NALF1: variants seen among roughly 807,000 people sequenced by gnomAD.
NALF1 encodes the protein NALCN channel auxiliary factor 1, also known as family with sequence similarity 155 member A.
Under a neutral mutation model 48.4 loss-of-function variants are expected in NALF1, and 3 were observed. The observed-to-expected ratio is 0.06, with a 90% CI of 0.03 to 0.16. NALF1 has a LOEUF of 0.16. NALF1 is among the 10% of genes least tolerant of loss of function. The pLI is 1.00. For missense variants in NALF1, 526 were observed against 571.5 expected (o/e 0.92, Z 0.81); for synonymous variants, 262 against 245.7 (o/e 1.07, Z -0.62).
intron 1 of NALF1, among the ~76,000 whole-genome samples, chr13:107,487,779 T>C (rs1885353165): frequency 6.6e-6 from 1 of 152,172 alleles, no homozygotes; most frequent in South Asian, 2.1e-4. Flanking sequence ...GGTATCAGGA[T>C]GATGCTGGCC....
At position 107,434,948 on chromosome 13, in the gene NALF1, C is replaced by T. The variant is rs141162952; in HGVS notation, c.916-224193G>A. 7.2e-5 allele frequency among the ~76,000 whole-genome samples: 11 copies of T among 152,234 alleles called. No homozygotes were observed. The East Asian group carries it at 1.9e-3, about 27-fold the overall frequency. ...GGCTATATTCTTTTTTCTGTGACAT[C>T]GATCTTCTCAACTTCATTGGCCTCA... On this transcript the variant is annotated intron_variant, in intron 1 of 2. Transcript: ENST00000375915.
chr13:107,749,670 T>C (rs1876878125), intron 1 of NALF1, among the ~76,000 whole-genome samples: 1 of 152,112 alleles, frequency 6.6e-6, no homozygotes, highest in South Asian at 2.1e-4. Context: ...TTCAAAATCT[T>C]GTTCTTTACA....
intron 1 of NALF1, among the ~76,000 whole-genome samples, chr13:107,533,745 C>G (rs1481936420): frequency 6.6e-6 from 1 of 152,070 alleles, no homozygotes. Context: ...GCAACACCCC[C>G]AAATCTGTCT....
At position 107,393,484 on chromosome 13, in the gene NALF1, A is replaced by G. The variant is rs144822977; in HGVS notation, c.916-182729T>C. ...TGAGACACGAACAAATTAACTTGCT[A>G]TTTAACCTGAAGCAAAATGTCTAGC... On this transcript the variant is annotated intron_variant, in intron 1 of 2. Coordinates refer to ENST00000375915, the MANE Select transcript of NALF1 (RefSeq NM_001080396.3). Among the ~76,000 whole-genome samples the G allele has an allele frequency of 4.7e-3, 716 of 152,272 alleles. 10 individuals carry two copies. The highest frequency in any genetic ancestry group is 0.016 in the African/African-American group (681 of 41,562).
At chr13:107,577,458 G>C (rs1414501326) in intron 1 of NALF1, among the ~76,000 whole-genome samples, 2 of 144,884 alleles carry the variant, frequency 1.4e-5, no homozygotes, top group African/African-American at 2.6e-5. Context: ...GTTTGGGAGA[G>C]AAAGCTAGAT....
At chr13:107,457,361 A>G (rs1884840662) in intron 1 of NALF1, among the ~76,000 whole-genome samples, 2 of 152,202 alleles carry the variant, frequency 1.3e-5, no homozygotes, top group Non-Finnish European at 2.9e-5. Context: ...CAGATTACCT[A>G]TGAATGTAAT....
intron 2 of NALF1, among the ~76,000 whole-genome samples, chr13:107,187,439 A>C (rs1245608123): frequency 2.0e-5 from 3 of 152,166 alleles, no homozygotes; most frequent in African/African-American, 2.4e-5. Flanking sequence ...AAGTCTCTCC[A>C]ACAGGCAGAA....
intron 1 of NALF1, among the ~76,000 whole-genome samples, chr13:107,770,833 C>T (rs1026846478): frequency 2.2e-4 from 33 of 152,120 alleles, no homozygotes; most frequent in Admixed American, 2.2e-3. Flanking sequence ...TTTTCTCTTC[C>T]CTTTTGAAAT....
chr13:107,546,743 T>A (rs1270285684), intron 1 of NALF1, among the ~76,000 whole-genome samples: 1 of 152,166 alleles, frequency 6.6e-6, no homozygotes, highest in Non-Finnish European at 1.5e-5. Flanking sequence ...AATTACCTTT[T>A]AGGAAATAAT....
chr13:107,273,693 A>T (rs1881221176), intron 1 of NALF1, among the ~76,000 whole-genome samples: 1 of 152,228 alleles, frequency 6.6e-6, no homozygotes, highest in Non-Finnish European at 1.5e-5. Flanking sequence ...GATGAAAGGC[A>T]CATTATGTGC....
chr13:107,583,319 G>C (rs1878366244), intron 1 of NALF1, among the ~76,000 whole-genome samples: 1 of 151,970 alleles, frequency 6.6e-6, no homozygotes, highest in Non-Finnish European at 1.5e-5. Context: ...CTAAATAAAT[G>C]TTCAAATAAT....
chr13:107,851,733 G>A (rs559709460), intron 1 of NALF1, among the ~76,000 whole-genome samples: 2 of 150,002 alleles, frequency 1.3e-5, no homozygotes, highest in East Asian at 4.0e-4. Context: ...AAAGGGAAAT[G>A]TGTTAACTAG....
chr13:107,501,822 A>T (rs1875534855), intron 1 of NALF1, among the ~76,000 whole-genome samples: 2 of 152,186 alleles, frequency 1.3e-5, no homozygotes, highest in Admixed American at 6.5e-5. Context: ...AACAACTAAC[A>T]ATTTATTTAT....
chr13:107,665,686 T>C (rs897604394), intron 1 of NALF1, among the ~76,000 whole-genome samples: 2 of 152,124 alleles, frequency 1.3e-5, no homozygotes, highest in Non-Finnish European at 1.5e-5. Flanking sequence ...TTGTGTCTTG[T>C]AAGTTGTCTT....
At chr13:107,254,571 A>G (rs1374404903) in intron 1 of NALF1, among the ~76,000 whole-genome samples, 1 of 152,176 alleles carries the variant, frequency 6.6e-6, no homozygotes, top group East Asian at 1.9e-4. Context: ...AGGCTCACTG[A>G]TGCTTGTAGA....
intron 1 of NALF1, among the ~76,000 whole-genome samples, chr13:107,548,359 A>C (rs1407253682): frequency 2.0e-5 from 3 of 151,986 alleles, no homozygotes; most frequent in East Asian, 3.9e-4. Context: ...CATTTTCTTT[A>C]TCCAATCTGT....
At chr13:107,253,832 G>A (rs182028614) in intron 1 of NALF1, among the ~76,000 whole-genome samples, 25 of 152,122 alleles carry the variant, frequency 1.6e-4, no homozygotes, top group Non-Finnish European at 3.1e-4. Context: ...CTGCTCAAAT[G>A]GCACCTCTTC....
intron 1 of NALF1, among the ~76,000 whole-genome samples, chr13:107,746,352 G>T (rs189889943): frequency 2.0e-5 from 3 of 152,006 alleles, no homozygotes; most frequent in Admixed American, 2.0e-4. Flanking sequence ...TAATACACAG[G>T]GTTTAACCCA....
At chr13:107,780,748 AT>A (rs1249895711) in intron 1 of NALF1, among the ~76,000 whole-genome samples, 1 of 152,036 alleles carries the variant, frequency 6.6e-6, no homozygotes, top group Non-Finnish European at 1.5e-5. Flanking sequence ...CCTGACTAAC[AT>A]GGTGAAACCC....
Sources: allele counts gnomAD v4.1 joint callset (sites outside exome capture counted in the v4.1 genomes callset), GRCh38; gene constraint gnomAD v4.1.1; transcripts MANE v1.5; gene names NCBI Gene and HGNC (gene_info 2026-07-23, HGNC 2026-07-21).